Variants in CRYBG1 observed in about 807,000 individuals in gnomAD.
CRYBG1 encodes crystallin beta-gamma domain containing 1, also known as beta/gamma crystallin domain-containing protein 1.
A neutral mutation model predicts 189.2 loss-of-function variants in CRYBG1; 139 were observed. The ratio of observed to expected loss-of-function variants is 0.73; its 90% confidence interval spans 0.64 to 0.85. The LOEUF (loss-of-function observed/expected upper bound fraction) is 0.85, where lower values mean the gene tolerates loss of function less well. Ranked by LOEUF, CRYBG1 falls within the 40% of genes least tolerant of loss-of-function variation. The pLI is 0.00. For missense variants in CRYBG1, 2,611 were observed against 2,675.8 expected (o/e 0.98, Z 0.53); for synonymous variants, 1,023 against 1,017.1 (o/e 1.01, Z -0.11).
At position 106,462,210 on chromosome 6, in the gene CRYBG1, G is replaced by C. The variant is rs540039557; in HGVS notation, c.312+10378G>C. Among the ~76,000 whole-genome samples, 5 of 151,904 alleles carry C rather than the reference G, an allele frequency of 3.3e-5. No homozygotes were observed. The South Asian group carries it at 1.0e-3, about 32-fold the overall frequency. The stretch of plus-strand genomic sequence containing the variant: ...TTTTGAGACGGAGTCTCGCTCTGTC[G>C]CCCAGGCTGGAGTGCAGTGGCGCTA... On this transcript the variant is annotated intron_variant, in intron 2 of 21. Transcript: ENST00000633556.
At chr6:106,450,400 G>A (rs1476809646) in intron 1 of CRYBG1, among the ~76,000 whole-genome samples, 6 of 152,094 alleles carry the variant, frequency 3.9e-5, no homozygotes, top group East Asian at 3.8e-4. Flanking sequence ...TTTCTGTTGC[G>A]AAATGCTGAG....
Position 106,543,421 on chromosome 6 carries a change from T to C in CRYBG1, c.4882-19T>C. ...GGATACTTCTTACAGATTACTGGTA[T>C]ATCTCATTTCTATTGTAGGTAGTTG... On this transcript the variant is annotated intron_variant, in intron 10 of 21. Coordinates refer to ENST00000633556, the MANE Select transcript of CRYBG1 (RefSeq NM_001371242.2). 6.3e-7 allele frequency: 1 copy of C among 1,595,880 alleles called. No homozygotes were observed. Among genetic ancestry groups the C allele is most frequent in the Non-Finnish European group, 8.6e-7 (1 of 1,164,336 alleles).
intron 2 of CRYBG1, among the ~76,000 whole-genome samples, chr6:106,510,844 G>C (rs1773242888): frequency 6.6e-6 from 1 of 152,222 alleles, no homozygotes; most frequent in South Asian, 2.1e-4. Context: ...GGCTAAGGCG[G>C]GGCCCAGGTG....
At chr6:106,548,571 T>G (rs1053655215) in intron 13 of CRYBG1, among the ~76,000 whole-genome samples, 6 of 152,148 alleles carry the variant, frequency 3.9e-5, no homozygotes, top group Non-Finnish European at 8.8e-5. Flanking sequence ...ACTGTCTTTT[T>G]TCCCTCCAAA....
intron 3 of CRYBG1, among the ~76,000 whole-genome samples, chr6:106,514,896 T>C (rs949601767): frequency 1.6e-4 from 25 of 152,244 alleles, no homozygotes; most frequent in African/African-American, 5.3e-4. Context: ...ACATGGTCAT[T>C]TGGCAAATTA....
chr6:106,503,715 T>G (rs9398093), intron 2 of CRYBG1, among the ~76,000 whole-genome samples: 30,891 of 152,146 alleles, frequency 0.2, 3,949 homozygotes, highest in South Asian at 0.38. Flanking sequence ...CCTTTCTGAT[T>G]GATCATGTGT....
Position 106,520,869 on chromosome 6 carries a change from G to A in CRYBG1, c.3661G>A (p.Asp1221Asn), listed in dbSNP as rs372732472. Reference sequence around the variant, plus strand: ...GCCTCTGGTGATGCCGGAAATCAATGACAAAGAGAACAGGGACGTCACAAA... The same window carrying A: ...GCCTCTGGTGATGCCGGAAATCAATAACAAAGAGAACAGGGACGTCACAAA... ...SEPLVMPEIN[D>N]KENRDVTNGG... The change falls in exon 4 of 22, where the codon GAC becomes AAC. Residue 1221 changes from aspartate (D) to asparagine (N), a missense_variant. Transcript: ENST00000633556. 6.2e-6 allele frequency: 10 copies of A among 1,614,030 alleles called. No homozygotes were observed. The African/African-American group carries it at 1.2e-4, about 19-fold the overall frequency.
chr6:106,503,627 A>G (rs1773058740), intron 2 of CRYBG1, among the ~76,000 whole-genome samples: 2 of 152,358 alleles, frequency 1.3e-5, no homozygotes, highest in Admixed American at 6.5e-5. Context: ...CACAACGTAG[A>G]CACTCAATAA....
At chr6:106,548,128 C>A (rs761622254) in intron 13 of CRYBG1, among the ~76,000 whole-genome samples, 1 of 152,178 alleles carries the variant, frequency 6.6e-6, no homozygotes, top group Non-Finnish European at 1.5e-5. Context: ...TCCCCCGTCT[C>A]CCCACCAGTC....
rs529235829 is a variant in CRYBG1 at position 106,441,681 on chromosome 6, T to C, written c.174-10013T>C. Among the ~76,000 whole-genome samples, 4 of 152,346 alleles carry C rather than the reference T, an allele frequency of 2.6e-5. No homozygotes were observed. In the East Asian group the frequency reaches 5.8e-4, roughly 22 times the overall value. ...GCTTTGGTCCCTTGTGGAGTTTACC[T>C]ACCTGGTGCAGGTGAGTGAGAGAAG... On this transcript the variant is annotated intron_variant, in intron 1 of 21. Coordinates refer to ENST00000633556, the MANE Select transcript of CRYBG1 (RefSeq NM_001371242.2).
intron 1 of CRYBG1, among the ~76,000 whole-genome samples, chr6:106,403,146 G>T (rs1332203896): frequency 6.6e-6 from 1 of 152,100 alleles, no homozygotes; most frequent in Admixed American, 6.5e-5. Context: ...ACTAGCCTGG[G>T]CAACAAAGCC....
intron 2 of CRYBG1, among the ~76,000 whole-genome samples, chr6:106,474,473 A>G (rs1343723565): frequency 6.6e-6 from 1 of 152,192 alleles, no homozygotes; most frequent in Non-Finnish European, 1.5e-5. Context: ...GGCTTAATTG[A>G]TTTTTTAAGT....
intron 2 of CRYBG1, among the ~76,000 whole-genome samples, chr6:106,498,505 T>C (rs1772905596): frequency 6.6e-6 from 1 of 152,200 alleles, no homozygotes; most frequent in Non-Finnish European, 1.5e-5. Context: ...ATACATTTTC[T>C]GCAGCCTGTG....
At chr6:106,553,386 T>G in intron 15 of CRYBG1, 69 bp from the exon 16 acceptor site, 3 of 1,073,126 alleles carry the variant, frequency 2.8e-6, no homozygotes, top group Non-Finnish European at 4.2e-6. Flanking sequence ...TAGGTCATCA[T>G]TTCAAAGGCT....
chr6:106,429,273 T>C (rs1771282237), intron 1 of CRYBG1, among the ~76,000 whole-genome samples: 1 of 152,160 alleles, frequency 6.6e-6, no homozygotes, highest in Non-Finnish European at 1.5e-5. Flanking sequence ...GGATAAATCA[T>C]TGGAATGAGA....
At position 106,483,087 on chromosome 6, in the gene CRYBG1, T is replaced by C. The variant is rs186865782; in HGVS notation, c.313-28343T>C. Among the ~76,000 whole-genome samples the C allele has an allele frequency of 1.8e-4, 28 of 152,214 alleles. No individual in the cohort carries two copies. The East Asian group carries it at 5.4e-3, about 30-fold the overall frequency. On this transcript the variant is annotated intron_variant, in intron 2 of 21. Coordinates refer to ENST00000633556, the MANE Select transcript of CRYBG1 (RefSeq NM_001371242.2). ...GATGTTATAGAAAATCAGAACTTAC[T>C]CTTTCTATCTAATTGTCACTTTGTA... is the stretch of plus-strand genomic sequence containing the variant.
intron 2 of CRYBG1, among the ~76,000 whole-genome samples, chr6:106,495,326 T>C (rs1056440564): frequency 2.0e-5 from 3 of 152,042 alleles, no homozygotes; most frequent in Non-Finnish European, 4.4e-5. Context: ...AGTAAGAAGA[T>C]TGATATGGTA....
intron 2 of CRYBG1, among the ~76,000 whole-genome samples, chr6:106,506,069 C>G (rs1164408094): frequency 6.6e-6 from 1 of 152,208 alleles, no homozygotes; most frequent in Non-Finnish European, 1.5e-5. Flanking sequence ...GCACCGGTAG[C>G]TCCATCAACA....
chr6:106,547,728 C>T (rs1398341610), intron 13 of CRYBG1, among the ~76,000 whole-genome samples: 1 of 152,154 alleles, frequency 6.6e-6, no homozygotes, highest in Non-Finnish European at 1.5e-5. Context: ...GGAGGCTCAC[C>T]ATCACATGGG....
Sources: gnomAD v4.1 joint callset for allele counts (sites outside exome capture counted in the v4.1 genomes callset) on GRCh38, gnomAD v4.1.1 for gene constraint, MANE v1.5 for transcripts, NCBI Gene and HGNC (gene_info 2026-07-23, HGNC 2026-07-21) for gene names.